Variants in ZC3H12B observed in about 807,000 individuals in gnomAD.
The protein encoded by ZC3H12B is zinc finger CCCH-type containing 12B.
In ZC3H12B, 7 loss-of-function variants were observed where a neutral mutation model predicts 43.9. The ratio of observed to expected loss-of-function variants is 0.16; its 90% CI spans 0.09 to 0.30. The LOEUF (loss-of-function observed/expected upper bound fraction) is 0.30. ZC3H12B is among the 10% of genes least tolerant of loss of function. The pLI, the probability that ZC3H12B is intolerant of heterozygous loss-of-function variation, is 1.00. For synonymous variants in ZC3H12B, 222 were observed against 241.7 expected (o/e 0.92, Z 0.76); for missense variants, 475 against 670.2 (o/e 0.71, Z 3.22).
the ZC3H12B span, among the ~76,000 whole-genome samples, chrX:65,075,558 C>G: frequency 8.9e-6 from 1 of 112,029 alleles, no homozygotes; most frequent in African/African-American, 3.2e-5. Context: ...GCAGTCCCCC[C>G]AAAAAGACAG....
At chrX:65,150,885 C>T in the ZC3H12B span, among the ~76,000 whole-genome samples, 3 of 111,125 alleles carry the variant, frequency 2.7e-5, no homozygotes, top group Admixed American at 2.9e-4. Context: ...TGCAAAGTGG[C>T]TATGTACTCT....
the ZC3H12B span, among the ~76,000 whole-genome samples, chrX:65,162,553 T>C: frequency 8.9e-6 from 1 of 112,239 alleles, no homozygotes. Context: ...TTCCAGTTGA[T>C]CACATCGGCT....
At chrX:65,460,916 A>G (rs2067733187) in intron 3 of ZC3H12B, among the ~76,000 whole-genome samples, 1 of 111,977 alleles carries the variant, frequency 8.9e-6, no homozygotes, top group Non-Finnish European at 1.9e-5. Context: ...ACCAGAGTGA[A>G]CAGGCAACCT....
At chrX:65,266,622 C>T in the ZC3H12B span, among the ~76,000 whole-genome samples, 2 of 111,462 alleles carry the variant, frequency 1.8e-5, no homozygotes, top group Non-Finnish European at 3.8e-5. Flanking sequence ...CCTACCATAC[C>T]CCACACCTTA....
At chrX:65,488,261 G>A (rs1279391203), upstream of ZC3H12B, among the ~76,000 whole-genome samples, 1 of 110,665 alleles carries the variant, frequency 9.0e-6, no homozygotes, top group East Asian at 2.8e-4. Flanking sequence ...GGAAGAAAGA[G>A]AGTCTTTCCA....
chrX:65,135,588 C>A, the ZC3H12B span, among the ~76,000 whole-genome samples: 1 of 109,042 alleles, frequency 9.2e-6, no homozygotes, highest in Middle Eastern at 4.4e-3. Context: ...AATTTTGTAA[C>A]GCAGGCTAAA....
intron 2 of ZC3H12B, among the ~76,000 whole-genome samples, chrX:65,382,557 C>T (rs1053221025): frequency 3.6e-5 from 4 of 111,561 alleles, no homozygotes; most frequent in African/African-American, 1.3e-4. Context: ...CAGGTATACC[C>T]TCTCTCACCA....
intron 3 of ZC3H12B, among the ~76,000 whole-genome samples, chrX:65,439,854 CAGTCT>C (rs960337674): frequency 2.7e-5 from 3 of 110,361 alleles, no homozygotes; most frequent in African/African-American, 9.9e-5. Flanking sequence ...TCCTCAGTGT[CAGTCT>C]CAACATGGCT....
the ZC3H12B span, among the ~76,000 whole-genome samples, chrX:65,312,523 A>C: frequency 1.4e-4 from 16 of 111,699 alleles, no homozygotes; most frequent in Non-Finnish European, 2.6e-4. Context: ...AGCCAAAAAA[A>C]AAAATGGGCC....
At chrX:65,386,538 T>G (rs1166770270) in intron 2 of ZC3H12B, among the ~76,000 whole-genome samples, 1 of 111,778 alleles carries the variant, frequency 8.9e-6, no homozygotes, top group African/African-American at 3.3e-5. Context: ...CTTCTCTCTT[T>G]TCTTCTTTTT....
the ZC3H12B span, among the ~76,000 whole-genome samples, chrX:65,070,103 C>A: frequency 1.9e-5 from 2 of 106,465 alleles, no homozygotes; most frequent in African/African-American, 3.4e-5. Flanking sequence ...CTATTTATTA[C>A]TAATTAAATT....
chrX:65,072,839 A>G, the ZC3H12B span, among the ~76,000 whole-genome samples: 1 of 112,421 alleles, frequency 8.9e-6, no homozygotes, highest in South Asian at 3.7e-4. Context: ...GCAGAAGCAG[A>G]GGAGGTAGCA....
At chrX:65,064,969 C>G in the ZC3H12B span, among the ~76,000 whole-genome samples, 1 of 109,322 alleles carries the variant, frequency 9.1e-6, no homozygotes, top group Non-Finnish European at 1.9e-5. Context: ...GCAACTCCTG[C>G]TTTTTTTTTC....
the ZC3H12B span, among the ~76,000 whole-genome samples, chrX:65,313,480 C>A: frequency 8.9e-6 from 1 of 111,884 alleles, no homozygotes. Context: ...CATAATATGT[C>A]CAGAGAAGCA....
the ZC3H12B span, among the ~76,000 whole-genome samples, chrX:65,183,680 T>C: frequency 1.8e-5 from 2 of 111,894 alleles, no homozygotes; most frequent in Non-Finnish European, 3.8e-5. Context: ...GTAGTAAAGA[T>C]GAATATATTT....
At chrX:65,394,586 G>T (rs2066671100) in intron 2 of ZC3H12B, among the ~76,000 whole-genome samples, 1 of 112,024 alleles carries the variant, frequency 8.9e-6, no homozygotes. Context: ...CCAGTATCAT[G>T]CTGTTTTGGT....
chrX:65,329,998 G>A, the ZC3H12B span, among the ~76,000 whole-genome samples: 2 of 112,004 alleles, frequency 1.8e-5, no homozygotes, highest in Non-Finnish European at 3.8e-5. Flanking sequence ...CTCCAGCTTT[G>A]TTCTTTTAGC....
the ZC3H12B span, among the ~76,000 whole-genome samples, chrX:65,343,466 A>T: frequency 1.8e-5 from 2 of 111,737 alleles, no homozygotes; most frequent in Non-Finnish European, 1.9e-5. Flanking sequence ...GGACATCAAA[A>T]AGCTTATCTG....
At chrX:65,481,786 T>C (rs995200948) in intron 3 of ZC3H12B, among the ~76,000 whole-genome samples, 69 of 112,064 alleles carry the variant, frequency 6.2e-4, no homozygotes, top group African/African-American at 2.2e-3. Flanking sequence ...TATATAATTG[T>C]TTGAGAAAGG....
Sources: gnomAD v4.1 joint callset for allele counts (sites outside exome capture counted in the v4.1 genomes callset) on GRCh38, gnomAD v4.1.1 for gene constraint, MANE v1.5 for transcripts, NCBI Gene and HGNC (gene_info 2026-07-23, HGNC 2026-07-21) for gene names.